Variants in MGST1 observed in about 807,000 individuals in gnomAD.
The protein encoded by MGST1 is glutathione S-transferase 12.
MGST1 carries 5 observed loss-of-function variants against 8.9 expected under a neutral mutation model. The ratio of observed to expected loss-of-function variants is 0.56; its 90% CI spans 0.29 to 1.19. The LOEUF (loss-of-function observed/expected upper bound fraction) is 1.19, where lower values mean the gene tolerates loss of function less well. Ranked by LOEUF, MGST1 falls within the 50% of genes most tolerant of loss-of-function variation. The pLI, the probability that MGST1 is intolerant of heterozygous loss-of-function variation, is 0.08. For missense variants in MGST1, 182 were observed against 187.4 expected (o/e 0.97, Z 0.17); for synonymous variants, 54 against 67.8 (o/e 0.80, Z 1.00).
chr12:16,472,058 G>T (rs1226892353), intron 4 of MGST1, among the ~76,000 whole-genome samples: 1 of 151,940 alleles, frequency 6.6e-6, no homozygotes, highest in African/African-American at 2.4e-5. Flanking sequence ...TTTGTCCTCT[G>T]CTAGTTCCTT....
chr12:16,411,560 A>G (rs888834149), intron 1 of MGST1, among the ~76,000 whole-genome samples: 1 of 152,154 alleles, frequency 6.6e-6, no homozygotes, highest in Non-Finnish European at 1.5e-5. Context: ...GGATGACAGC[A>G]TAGGTAATTC....
intron 4 of MGST1, among the ~76,000 whole-genome samples, chr12:16,505,227 C>G (rs925130538): frequency 1.3e-5 from 2 of 152,084 alleles, no homozygotes; most frequent in Admixed American, 6.6e-5. Flanking sequence ...TAATGAGAGG[C>G]AGCAATACTT....
intron 1 of MGST1, among the ~76,000 whole-genome samples, chr12:16,435,766 GA>G (rs1338458355): frequency 6.6e-6 from 1 of 151,802 alleles, no homozygotes; most frequent in Non-Finnish European, 1.5e-5. Flanking sequence ...CTCAAGTGTA[GA>G]AAATTAAAAG....
intron 4 of MGST1, among the ~76,000 whole-genome samples, chr12:16,461,261 C>A (rs543648900): frequency 1.1e-3 from 171 of 151,334 alleles, no homozygotes; most frequent in African/African-American, 4.0e-3. Flanking sequence ...ATTAAAGATG[C>A]AAATTATTAT....
chr12:16,578,304 C>T (rs1358003394), intron 4 of MGST1, among the ~76,000 whole-genome samples: 1 of 152,022 alleles, frequency 6.6e-6, no homozygotes, highest in Non-Finnish European at 1.5e-5. Flanking sequence ...AGTTTGAGAA[C>T]AATTGTATTT....
At chr12:16,434,387 A>G (rs988363268) in intron 1 of MGST1, among the ~76,000 whole-genome samples, 2 of 152,042 alleles carry the variant, frequency 1.3e-5, no homozygotes, top group East Asian at 1.9e-4. Context: ...AGTTCTTCCG[A>G]TCACTTATTA....
At chr12:16,353,234 T>C (rs543272508) in intron 1 of MGST1, among the ~76,000 whole-genome samples, 3 of 152,120 alleles carry the variant, frequency 2.0e-5, no homozygotes, top group Middle Eastern at 6.8e-3. Flanking sequence ...GGGGTTTCAC[T>C]GTGTCAGCCA....
At position 16,548,960 on chromosome 12, in the gene MGST1, G is replaced by A. The variant is rs574403827; in HGVS notation, n.483-40568G>A. 2.0e-5 allele frequency: 3 copies of A among 152,122 alleles called. No homozygotes were observed. Among genetic ancestry groups the A allele is most frequent in the Non-Finnish European group, 2.9e-5 (2 of 68,006 alleles). 9.4% of individuals were successfully genotyped at this position (152,122 alleles called of 1,614,324 possible). On this transcript the variant is annotated intron_variant and non_coding_transcript_variant, in intron 4 of 4. Coordinates refer to the MGST1 transcript ENST00000538857. The surrounding 1 kb of genome is among the most constrained non-coding windows in gnomAD (Gnocchi z 4.2). ...ACCTTGTTTGGTCTTCCAGTGGCAAGGATAGTTGAACAACTTCAAGAAGCT... is the reference window on the plus strand; with the variant it reads ...ACCTTGTTTGGTCTTCCAGTGGCAAAGATAGTTGAACAACTTCAAGAAGCT...
At chr12:16,498,368 C>T (rs1941483292) in intron 4 of MGST1, among the ~76,000 whole-genome samples, 1 of 152,146 alleles carries the variant, frequency 6.6e-6, no homozygotes, top group African/African-American at 2.4e-5. Flanking sequence ...TTTTTTATAG[C>T]AGCACAGACA....
intron 4 of MGST1, among the ~76,000 whole-genome samples, chr12:16,461,856 C>T (rs1243593536): frequency 6.6e-6 from 1 of 152,116 alleles, no homozygotes; most frequent in Admixed American, 6.6e-5. Flanking sequence ...TCGTCTTTAT[C>T]ATGTATTATC....
At position 16,537,316 on chromosome 12, in the gene MGST1, A is replaced by G. The variant is rs1173250237; in HGVS notation, n.483-52212A>G. 6.6e-6 allele frequency among the ~76,000 whole-genome samples: 1 copy of G among 152,186 alleles called. No homozygotes were observed. The highest frequency in any genetic ancestry group is 1.5e-5 in the Non-Finnish European group (1 of 68,028). ...CATAGTCTTGGGCAACTCCACCCCT[A>G]TGGCTTTGCAGGGTACAGCCCCTCT... On this transcript the variant is annotated intron_variant and non_coding_transcript_variant, in intron 4 of 4. Coordinates refer to the MGST1 transcript ENST00000538857. The surrounding 1 kb of genome is among the most constrained non-coding windows in gnomAD (Gnocchi z 4.6).
rs1256881533 is a variant in MGST1 at position 16,500,519 on chromosome 12, A to C, written n.483-89009A>C. On this transcript the variant is annotated intron_variant and non_coding_transcript_variant, in intron 4 of 4. Transcript: ENST00000538857. This position sits in a 1 kb window ranked among gnomAD's most constrained non-coding sequence, Gnocchi z 4.3. ...GTAAAGTTTCATTTCAAAACGGAAA[A>C]GATACTTATTTTGTGTGCCAGTCCT... Among the ~76,000 whole-genome samples the C allele has an allele frequency of 2.6e-5, 4 of 152,190 alleles. No individual in the cohort carries two copies. Among genetic ancestry groups the C allele is most frequent in the Non-Finnish European group, 5.9e-5 (4 of 68,034 alleles).
At chr12:16,353,632 A>G (rs1222681818) in intron 1 of MGST1, among the ~76,000 whole-genome samples, 5 of 151,168 alleles carry the variant, frequency 3.3e-5, no homozygotes, top group Admixed American at 1.3e-4. Flanking sequence ...ATGTGATGTT[A>G]GTCTATGTTT....
At chr12:16,387,050 T>G (rs556525560) in intron 1 of MGST1, among the ~76,000 whole-genome samples, 9 of 152,320 alleles carry the variant, frequency 5.9e-5, no homozygotes, top group Middle Eastern at 3.4e-3. Context: ...ATTGTTCTAT[T>G]TTATTATTAG....
chr12:16,387,005 C>A (rs1940509320), intron 1 of MGST1, among the ~76,000 whole-genome samples: 1 of 152,054 alleles, frequency 6.6e-6, no homozygotes, highest in African/African-American at 2.4e-5. Context: ...AATAATGGCC[C>A]CAAAGTCCAA....
At chr12:16,453,236 T>G (rs1032809840) in intron 4 of MGST1, among the ~76,000 whole-genome samples, 2 of 151,928 alleles carry the variant, frequency 1.3e-5, no homozygotes, top group African/African-American at 4.8e-5. Context: ...GATAGCAACG[T>G]CCTTTTAGAC....
At chr12:16,527,440 C>T (rs573249791) in intron 4 of MGST1, among the ~76,000 whole-genome samples, 1 of 151,936 alleles carries the variant, frequency 6.6e-6, no homozygotes, top group South Asian at 2.1e-4. Context: ...AGGTATGTTG[C>T]ATTAAAATTT....
chr12:16,488,692 T>C (rs962237784), intron 4 of MGST1, among the ~76,000 whole-genome samples: 8 of 152,174 alleles, frequency 5.3e-5, no homozygotes, highest in African/African-American at 1.9e-4. Flanking sequence ...ATTATTAATA[T>C]GTAATTTCAA....
exon 4 of MGST1, chr12:16,376,366 A>G: frequency 2.7e-6 from 1 of 376,110 alleles, no homozygotes; most frequent in Non-Finnish European, 4.7e-6. Context: ...AATACCATCT[A>G]TGAAACTGTG....
Sources: gnomAD v4.1 joint callset for allele counts (sites outside exome capture counted in the v4.1 genomes callset) on GRCh38, gnomAD v4.1.1 for gene constraint, Gnocchi (gnomAD v3.1) non-coding constraint, MANE v1.5 for transcripts, NCBI Gene and HGNC (gene_info 2026-07-23, HGNC 2026-07-21) for gene names.